Variants in NOTCH2NLC observed in about 807,000 individuals in gnomAD.
The protein encoded by NOTCH2NLC is notch 2 N-terminal like C.
In NOTCH2NLC, 4 loss-of-function variants were observed where a neutral mutation model predicts 17.7. The ratio of observed to expected loss-of-function variants is 0.23; its 90% CI spans 0.11 to 0.52. The LOEUF (loss-of-function observed/expected upper bound fraction) is 0.52, where lower values mean the gene tolerates loss of function less well. Ranked by LOEUF, NOTCH2NLC falls within the 20% of genes least tolerant of loss-of-function variation. The pLI is 0.96. For missense variants in NOTCH2NLC, 57 were observed against 207.2 expected (o/e 0.28, Z 4.45); for synonymous variants, 18 against 86.0 (o/e 0.21, Z 4.38).
chr1:149,429,388 G>C (rs2084431417), intron 1 of NOTCH2NLC, among the ~76,000 whole-genome samples: 1 of 149,684 alleles, frequency 6.7e-6, no homozygotes, highest in Non-Finnish European at 1.5e-5. Flanking sequence ...AGAGTCTCTG[G>C]ATTCAAATTC....
chr1:149,423,295 G>T (rs1475801297), intron 1 of NOTCH2NLC, among the ~76,000 whole-genome samples: 1 of 150,290 alleles, frequency 6.7e-6, no homozygotes, highest in African/African-American at 2.4e-5. Context: ...GAGGAAGACA[G>T]ATGTTTCTCC....
chr1:149,449,469 G>A (rs1233249551), intron 2 of NOTCH2NLC, among the ~76,000 whole-genome samples: 1 of 147,706 alleles, frequency 6.8e-6, no homozygotes, highest in East Asian at 2.0e-4. Flanking sequence ...TGAGGAATAC[G>A]CCAAACCATT....
chr1:149,454,444 C>G (rs1459116170), intron 2 of NOTCH2NLC, among the ~76,000 whole-genome samples: 12 of 91,508 alleles, frequency 1.3e-4, no homozygotes, highest in African/African-American at 3.2e-4. Context: ...AAATAATACA[C>G]ACAGTTTGAA....
chr1:149,417,097 C>CT (rs1171555647), intron 1 of NOTCH2NLC, among the ~76,000 whole-genome samples: 8,082 of 69,662 alleles, frequency 0.12, 2,301 homozygotes, highest in South Asian at 0.18. Flanking sequence ...TCAGGTTTTC[C>CT]TTTTTTTTTT....
rs2084507620 is a variant in NOTCH2NLC at position 149,440,079 on chromosome 1, T to C, written c.209+9064T>C. ...ACGTAAATATGAGGAGAAAGGTAGG[T>C]GTTAATAAGAAAATAATCTGATTAG... is the stretch of plus-strand genomic sequence containing the variant. On this transcript the variant is annotated intron_variant, in intron 2 of 4. Transcript: ENST00000650865. 2.0e-5 allele frequency among the ~76,000 whole-genome samples: 3 copies of C among 149,816 alleles called. No individual in the cohort carries two copies. In the South Asian group the frequency reaches 6.3e-4, roughly 32 times the overall value.
chr1:149,460,868 T>TTTCC (rs1205730529), intron 3 of NOTCH2NLC, among the ~76,000 whole-genome samples: 2,601 of 48,522 alleles, frequency 0.054, 209 homozygotes, highest in East Asian at 0.2. Context: ...TCTTTCTTTC[T>TTTCC]TTCTTTCTTT....
intron 3 of NOTCH2NLC, among the ~76,000 whole-genome samples, chr1:149,462,657 G>C (rs2084656572): frequency 6.8e-6 from 1 of 147,814 alleles, no homozygotes; most frequent in Non-Finnish European, 1.5e-5. Flanking sequence ...GCATACCATG[G>C]AGACCCAACC....
rs1370083974 is a variant in NOTCH2NLC at position 149,457,894 on chromosome 1, G to A, written c.469+2317G>A. Among the ~76,000 whole-genome samples the A allele has an allele frequency of 5.6e-5, 4 of 71,494 alleles. No individual in the cohort carries two copies. The South Asian group carries it at 1.7e-3, about 30-fold the overall frequency. The allele number at this position is 71,494 out of a possible 152,430, so 46.9% of individuals were successfully genotyped here. ...CAGACACACCCAAGATCAATACTTT[G>A]TATCCTTCAATTCAATCAAGTTGAC... On this transcript the variant is annotated intron_variant, in intron 3 of 4. Coordinates refer to ENST00000650865, the MANE Select transcript of NOTCH2NLC (RefSeq NM_001364013.2).
In NOTCH2NLC at chr1:149,464,710, G is replaced by A. The variant is rs1450283516; in HGVS notation, c.*557G>A. ...CAGAATACAAGCAGCTGAAGCAGATGAATTACTAAGCAACAAAGATCCTGT... is the reference window on the plus strand; with the variant it reads ...CAGAATACAAGCAGCTGAAGCAGATAAATTACTAAGCAACAAAGATCCTGT... On this transcript the variant is annotated 3_prime_UTR_variant, in exon 5 of 5. Coordinates refer to ENST00000650865, the MANE Select transcript of NOTCH2NLC (RefSeq NM_001364013.2). The A allele has an allele frequency of 2.1e-4, 31 of 150,240 alleles. No individual in the cohort carries two copies. The highest frequency in any genetic ancestry group is 6.6e-4 in the African/African-American group (27 of 40,808). 9.3% of individuals were successfully genotyped at this position (150,240 alleles called of 1,614,324 possible).
Position 149,460,995 on chromosome 1 carries a change from C to T in NOTCH2NLC, c.470-2496C>T, listed in dbSNP as rs1264587153. Among the ~76,000 whole-genome samples, 722 of 146,160 alleles carry T rather than the reference C, an allele frequency of 4.9e-3. 18 individuals carry two copies. The highest frequency in any genetic ancestry group is 5.6e-3 in the Non-Finnish European group (373 of 66,050). On this transcript the variant is annotated intron_variant, in intron 3 of 4. Coordinates refer to ENST00000650865, the MANE Select transcript of NOTCH2NLC (RefSeq NM_001364013.2). ...CTCACTCTGTTGCTTAGTACAGTGG[C>T]GCAGTCTCGGCTCACTGCAACCTCC...
chr1:149,396,722 TATG>T (rs1168428066), intron 1 of NOTCH2NLC, among the ~76,000 whole-genome samples: 1 of 143,946 alleles, frequency 6.9e-6, no homozygotes, highest in Non-Finnish European at 1.5e-5. Context: ...TAACCTCTCT[TATG>T]ATAAGAATAG....
chr1:149,394,916 G>T (rs1362524456), intron 1 of NOTCH2NLC, among the ~76,000 whole-genome samples: 1 of 148,952 alleles, frequency 6.7e-6, no homozygotes, highest in Admixed American at 6.7e-5. Context: ...GGAGCCAGAA[G>T]ACCAGAATTC....
At chr1:149,461,306 T>C (rs1312839114) in intron 3 of NOTCH2NLC, among the ~76,000 whole-genome samples, 3 of 148,926 alleles carry the variant, frequency 2.0e-5, no homozygotes, top group Non-Finnish European at 4.5e-5. Context: ...CATTTATATC[T>C]CTTCTCCACT....
At chr1:149,412,121 A>C (rs1221931499) in intron 1 of NOTCH2NLC, among the ~76,000 whole-genome samples, 2 of 144,616 alleles carry the variant, frequency 1.4e-5, no homozygotes, top group African/African-American at 5.1e-5. Flanking sequence ...GTCTCCAAAA[A>C]AAAAAAAAAC....
At chr1:149,406,303 G>A (rs1336124608) in intron 1 of NOTCH2NLC, 1 of 148,706 alleles carries the variant, frequency 6.7e-6, no homozygotes, top group African/African-American at 2.4e-5. Flanking sequence ...GATAAGAGAA[G>A]TGTGTTTGAC....
intron 3 of NOTCH2NLC, among the ~76,000 whole-genome samples, chr1:149,460,345 T>TC (rs2084635341): frequency 7.5e-6 from 1 of 132,602 alleles, no homozygotes; most frequent in East Asian, 2.1e-4. Context: ...TTTTTTTTTT[T>TC]TTTTTTTTTT....
At chr1:149,394,455 A>T (rs1451896700) in intron 1 of NOTCH2NLC, among the ~76,000 whole-genome samples, 7 of 151,160 alleles carry the variant, frequency 4.6e-5, no homozygotes, top group Non-Finnish European at 1.0e-4. Flanking sequence ...TCTTCTGTTT[A>T]TCTGGGTGCA....
At chr1:149,425,502 C>T (rs1315310205) in intron 1 of NOTCH2NLC, among the ~76,000 whole-genome samples, 9 of 151,166 alleles carry the variant, frequency 6.0e-5, no homozygotes, top group Non-Finnish European at 1.2e-4. Flanking sequence ...ATACTGGGCA[C>T]GTAAAGTAAG....
chr1:149,429,291 A>G (rs1414617754), intron 1 of NOTCH2NLC, among the ~76,000 whole-genome samples: 1 of 150,460 alleles, frequency 6.6e-6, no homozygotes, highest in African/African-American at 2.4e-5. Context: ...GGCCTCTACT[A>G]TTGGTAAATG....
Sources: allele counts gnomAD v4.1 joint callset (sites outside exome capture counted in the v4.1 genomes callset), GRCh38; gene constraint gnomAD v4.1.1; transcripts MANE v1.5; gene names NCBI Gene and HGNC (gene_info 2026-07-23, HGNC 2026-07-21).